Variants in MIB1 observed in about 807,000 individuals in gnomAD.
The protein encoded by MIB1 is MIB E3 ubiquitin protein ligase 1.
Under a neutral mutation model 124.5 loss-of-function variants are expected in MIB1, and 278 were observed. The observed-to-expected ratio is 2.23, with a 90% CI of 2.02 to 2.47. MIB1 has a LOEUF of 2.47. MIB1 is among the 30% of genes most tolerant of loss of function. MIB1 has a pLI of 0.00. For missense variants in MIB1, 957 were observed against 1,254.4 expected (o/e 0.76, Z 3.58); for synonymous variants, 446 against 429.4 (o/e 1.04, Z -0.48).
intron 1 of MIB1, among the ~76,000 whole-genome samples, chr18:21,742,619 T>C (rs2040867455): frequency 6.6e-6 from 1 of 152,204 alleles, no homozygotes; most frequent in Non-Finnish European, 1.5e-5. Flanking sequence ...TTATTGACGC[T>C]AGAGTTTCTA....
At chr18:21,759,350 C>T (rs2041071560) in intron 1 of MIB1, among the ~76,000 whole-genome samples, 1 of 151,968 alleles carries the variant, frequency 6.6e-6, no homozygotes, top group South Asian at 2.1e-4. Context: ...TCAAGCGATT[C>T]TCCTGCCTCA....
intron 2 of MIB1, among the ~76,000 whole-genome samples, chr18:21,767,871 CA>C (rs2146409762): frequency 6.6e-6 from 1 of 152,144 alleles, no homozygotes; most frequent in African/African-American, 2.4e-5. Context: ...TTTTTAAAAA[CA>C]GGTGATTTCA....
At chr18:21,774,921 T>TTTTATTTATTTATTTATTTA (rs200926882) in intron 4 of MIB1, among the ~76,000 whole-genome samples, 12 of 138,302 alleles carry the variant, frequency 8.7e-5, no homozygotes, top group East Asian at 4.2e-4. Context: ...TTTATTTCCA[T>TTTTATTTATTTATTTATTTA]TTTATTTATT....
Position 21,864,640 on chromosome 18 carries a change from A to G in MIB1, c.2995A>G (p.Ile999Val), listed in dbSNP as rs1372537491. 1 of 1,613,638 alleles carries G rather than the reference A, an allele frequency of 6.2e-7. No individual in the cohort carries two copies. Among genetic ancestry groups the G allele is most frequent in the Non-Finnish European group, 8.5e-7 (1 of 1,179,666 alleles). ...MSECPICRKA[I>V]ERRILLY ...TGAATGTCCTATCTGTCGCAAGGCT[A>G]TTGAACGAAGGATTCTTTTGTATTA... Residue 999 changes from isoleucine (I) to valine (V), a missense_variant, in exon 21 of 21, where the codon ATT becomes GTT. Physicochemically the swap from Ile to Val is conservative, Grantham distance 29 (BLOSUM62 3). Coordinates refer to ENST00000261537, the MANE Select transcript of MIB1 (RefSeq NM_020774.4).
intron 1 of MIB1, among the ~76,000 whole-genome samples, chr18:21,718,134 A>G (rs976598446): frequency 1.3e-5 from 2 of 152,230 alleles, no homozygotes; most frequent in Non-Finnish European, 2.9e-5. Flanking sequence ...GAAGTAACTC[A>G]GGAATGGAAA....
At chr18:21,818,904 C>T (rs1455897015) in intron 11 of MIB1, among the ~76,000 whole-genome samples, 1 of 152,018 alleles carries the variant, frequency 6.6e-6, no homozygotes, top group Non-Finnish European at 1.5e-5. Flanking sequence ...TATTGTACTC[C>T]AGCCTGAGTG....
At chr18:21,717,417 C>G (rs1286480285) in intron 1 of MIB1, among the ~76,000 whole-genome samples, 1 of 152,108 alleles carries the variant, frequency 6.6e-6, no homozygotes, top group Non-Finnish European at 1.5e-5. Context: ...AACTAAAGAG[C>G]TTTTGCACAG....
intron 1 of MIB1, among the ~76,000 whole-genome samples, chr18:21,762,551 G>T (rs1182327083): frequency 2.0e-5 from 3 of 152,140 alleles, no homozygotes; most frequent in African/African-American, 7.2e-5. Flanking sequence ...GTGCTGATGG[G>T]ATTAGCCTTT....
chr18:21,757,934 C>T (rs903055706), intron 1 of MIB1, among the ~76,000 whole-genome samples: 2 of 152,082 alleles, frequency 1.3e-5, no homozygotes, highest in African/African-American at 2.4e-5. Context: ...ATGCTAGGTG[C>T]GGAAGAAAAA....
chr18:21,759,964 C>CT (rs1224866003), intron 1 of MIB1, among the ~76,000 whole-genome samples: 4 of 152,174 alleles, frequency 2.6e-5, no homozygotes, highest in Non-Finnish European at 5.9e-5. Flanking sequence ...TACAAATTCT[C>CT]TAAGTTGTTA....
At chr18:21,720,583 C>T (rs1250523011) in intron 1 of MIB1, among the ~76,000 whole-genome samples, 2 of 151,172 alleles carry the variant, frequency 1.3e-5, no homozygotes, top group African/African-American at 4.9e-5. Context: ...TCAAAGCAAA[C>T]AAACAGAAGA....
At chr18:21,848,015 T>C (rs1193214730) in intron 16 of MIB1, among the ~76,000 whole-genome samples, 1 of 152,238 alleles carries the variant, frequency 6.6e-6, no homozygotes, top group Non-Finnish European at 1.5e-5. Flanking sequence ...AACCTTAGTG[T>C]TCCTTGCCTC....
chr18:21,803,876 A>ATTCG (rs1413946695), intron 9 of MIB1, 31 bp from the exon 10 acceptor site: 3 of 1,510,234 alleles, frequency 2.0e-6, no homozygotes, highest in Non-Finnish European at 2.8e-6. Context: ...TTATTCATTC[A>ATTCG]TTCTTTCATT....
intron 12 of MIB1, among the ~76,000 whole-genome samples, chr18:21,836,787 C>G (rs1744791609): frequency 1.3e-5 from 2 of 152,074 alleles, no homozygotes; most frequent in South Asian, 4.1e-4. Context: ...AATTTTGTTT[C>G]TCACATGCTC....
chr18:21,856,006 G>A (rs1341370525), intron 18 of MIB1, among the ~76,000 whole-genome samples: 1 of 151,806 alleles, frequency 6.6e-6, no homozygotes, highest in Non-Finnish European at 1.5e-5. Flanking sequence ...CGAAGCGGGT[G>A]GATCATGAGG....
intron 1 of MIB1, among the ~76,000 whole-genome samples, chr18:21,710,184 G>A (rs2040659468): frequency 6.6e-6 from 1 of 151,216 alleles, no homozygotes; most frequent in Non-Finnish European, 1.5e-5. Flanking sequence ...GCAGTGGTGT[G>A]GTCTTTGCAC....
chr18:21,765,142 A>G (rs1458844908), intron 1 of MIB1, among the ~76,000 whole-genome samples: 2 of 152,164 alleles, frequency 1.3e-5, no homozygotes, highest in African/African-American at 4.8e-5. Context: ...GATTAATTTT[A>G]GTGGAGGTCA....
chr18:21,834,162 GGAAA>G (rs1203471304), intron 12 of MIB1, among the ~76,000 whole-genome samples: 1 of 152,182 alleles, frequency 6.6e-6, no homozygotes, highest in African/African-American at 2.4e-5. Context: ...CCTGCCTCAT[GGAAA>G]GAAAGGAGAC....
intron 1 of MIB1, among the ~76,000 whole-genome samples, chr18:21,722,720 C>T (rs1331501651): frequency 6.6e-6 from 1 of 152,086 alleles, no homozygotes; most frequent in Non-Finnish European, 1.5e-5. Context: ...GGTCAGGTAT[C>T]CTGTAGAATG....
Sources: allele counts gnomAD v4.1 joint callset (sites outside exome capture counted in the v4.1 genomes callset), GRCh38; gene constraint gnomAD v4.1.1; transcripts MANE v1.5; gene names NCBI Gene and HGNC (gene_info 2026-07-23, HGNC 2026-07-21).